Variants in MYO5B observed in about 807,000 individuals in gnomAD.
MYO5B encodes myosin VB.
Under a neutral mutation model 229.3 loss-of-function variants are expected in MYO5B, and 143 were observed. The ratio of observed to expected loss-of-function variants is 0.62; its 90% CI spans 0.54 to 0.72. The LOEUF (loss-of-function observed/expected upper bound fraction) is 0.72. Ranked by LOEUF, MYO5B falls within the 30% of genes least tolerant of loss-of-function variation. MYO5B has a pLI of 0.00. For missense variants in MYO5B, 2,321 were observed against 2,331.0 expected, an observed-to-expected ratio of 1.00 and a Z score of 0.09; for synonymous variants, 918 against 885.2, an observed-to-expected ratio of 1.04 and a Z score of -0.66.
chr18:50,043,856 G>C (rs2030142737), intron 2 of MYO5B, among the ~76,000 whole-genome samples: 1 of 151,536 alleles, frequency 6.6e-6, no homozygotes, highest in Non-Finnish European at 1.5e-5. Flanking sequence ...GGATGCAAAG[G>C]CATAAAAATG....
At chr18:49,878,893 T>C in intron 24 of MYO5B, 52 bp downstream of exon 24, 1 of 1,609,298 alleles carries the variant, frequency 6.2e-7, no homozygotes, top group East Asian at 2.2e-5. Flanking sequence ...GGTCAGAAGC[T>C]GGACAGGAGC....
rs372708509 is a variant in MYO5B at position 49,843,384 on chromosome 18, G to T, written c.4468C>A (p.Pro1490Thr). 1.9e-6 allele frequency: 3 copies of T among 1,614,190 alleles called. No individual in the cohort carries two copies. Among genetic ancestry groups the T allele is most frequent in the Non-Finnish European group, 2.5e-6 (3 of 1,180,034 alleles). The change falls in exon 34 of 40, where the codon CCC becomes ACC. Residue 1490 changes from proline to threonine, a missense_variant. Transcript: ENST00000285039. ...LIRNLVTDLK[P>T]QMLSGTVPCL... ...GGCACTGTGCCCGACAGCATCTGGGGCTTCAAGTCTAAGGGCAACGAGAGC... is the reference window on the plus strand; with the variant it reads ...GGCACTGTGCCCGACAGCATCTGGGTCTTCAAGTCTAAGGGCAACGAGAGC...
At chr18:49,898,707 A>G (rs2024808707) in intron 21 of MYO5B, among the ~76,000 whole-genome samples, 1 of 152,212 alleles carries the variant, frequency 6.6e-6, no homozygotes, top group Admixed American at 6.5e-5. Context: ...TTTTCTATTA[A>G]GAACTCTCAA....
chr18:50,128,676 G>C (rs777561581), intron 1 of MYO5B, among the ~76,000 whole-genome samples: 3 of 152,178 alleles, frequency 2.0e-5, no homozygotes, highest in Admixed American at 6.5e-5. Context: ...AGGCCAAAGA[G>C]CCCAGGGAGA....
chr18:50,136,614 T>C (rs2032340595), intron 1 of MYO5B, among the ~76,000 whole-genome samples: 1 of 152,192 alleles, frequency 6.6e-6, no homozygotes, highest in Admixed American at 6.5e-5. Context: ...TGTACAAACA[T>C]GCACAGTTCT....
chr18:50,036,978 G>C lies in MYO5B; in HGVS notation c.327C>G (p.Ala109=). The change falls in exon 4 of 40, where the codon GCC becomes GCG. Residue 109 remains alanine (A), a synonymous_variant. Transcript: ENST00000285039. ...IYTYCGIVLV[A]INPYEQLPIY... ...TTGGCAACTGTTCATAAGGATTAAT[G>C]GCAACAAGTACGATACCTGCAAACA... is the stretch of plus-strand genomic sequence containing the variant. 6.2e-7 allele frequency: 1 copy of C among 1,614,100 alleles called. No individual in the cohort carries two copies. Among genetic ancestry groups the C allele is most frequent in the Non-Finnish European group, 8.5e-7 (1 of 1,180,006 alleles).
chr18:50,102,708 A>C (rs1470064840), intron 1 of MYO5B, among the ~76,000 whole-genome samples: 1 of 151,204 alleles, frequency 6.6e-6, no homozygotes, highest in Non-Finnish European at 1.5e-5. Context: ...GAAATGCAGA[A>C]TCTCTAACCT....
chr18:49,925,608 A>G (rs1377041647), intron 17 of MYO5B, among the ~76,000 whole-genome samples: 3 of 152,236 alleles, frequency 2.0e-5, no homozygotes, highest in African/African-American at 7.2e-5. Context: ...TCTGAGAAAC[A>G]GTGGATAAGG....
chr18:49,861,022 A>C (rs2024322594), intron 29 of MYO5B, among the ~76,000 whole-genome samples: 1 of 152,182 alleles, frequency 6.6e-6, no homozygotes, highest in South Asian at 2.1e-4. Flanking sequence ...CCCAAAGCTA[A>C]AGGCCAGACT....
At chr18:49,886,713 C>T (rs1022168882) in intron 22 of MYO5B, among the ~76,000 whole-genome samples, 4 of 152,044 alleles carry the variant, frequency 2.6e-5, no homozygotes, top group Non-Finnish European at 5.9e-5. Context: ...TCTTCAGAGG[C>T]TAAAATGTGA....
At chr18:50,116,037 G>A (rs1303805661) in intron 1 of MYO5B, among the ~76,000 whole-genome samples, 2 of 152,042 alleles carry the variant, frequency 1.3e-5, no homozygotes, top group South Asian at 2.1e-4. Flanking sequence ...ATCTCTTCAG[G>A]GTGTAAGACA....
chr18:49,945,725 G>C (rs2025364167), intron 14 of MYO5B, among the ~76,000 whole-genome samples: 1 of 148,966 alleles, frequency 6.7e-6, no homozygotes, highest in Admixed American at 6.8e-5. Flanking sequence ...AGAGTGGCAG[G>C]AGCAGAATGG....
At chr18:49,990,855 G>C (rs1250433265) in intron 6 of MYO5B, among the ~76,000 whole-genome samples, 1 of 152,204 alleles carries the variant, frequency 6.6e-6, no homozygotes, top group Non-Finnish European at 1.5e-5. Context: ...CTGCTTGGCT[G>C]ATGTCCCATG....
chr18:50,022,035 T>C (rs562015978), intron 4 of MYO5B, among the ~76,000 whole-genome samples: 2 of 152,148 alleles, frequency 1.3e-5, no homozygotes, highest in Non-Finnish European at 1.5e-5. Context: ...TTCTTAGACA[T>C]AACAGGTTCC....
At chr18:50,019,998 T>C (rs896516083) in intron 4 of MYO5B, among the ~76,000 whole-genome samples, 1 of 152,118 alleles carries the variant, frequency 6.6e-6, no homozygotes, top group Non-Finnish European at 1.5e-5. Flanking sequence ...TACACACTGA[T>C]GGCTGTGTCT....
chr18:50,125,023 C>G (rs1356342069), intron 1 of MYO5B, among the ~76,000 whole-genome samples: 2 of 152,082 alleles, frequency 1.3e-5, no homozygotes, highest in East Asian at 3.9e-4. Flanking sequence ...CCCACCCTGA[C>G]TCCTAGCCCT....
chr18:50,077,168 T>TAAAAAAAAAAA lies in MYO5B; in HGVS notation c.28-21801_28-21791dup, dbSNP rs71169476. Among the ~76,000 whole-genome samples, 39 of 81,206 alleles carry TAAAAAAAAAAA rather than the reference T, an allele frequency of 4.8e-4. 1 individual carries two copies. Among genetic ancestry groups the TAAAAAAAAAAA allele is most frequent in the African/African-American group, 1.3e-3 (29 of 22,240 alleles). 53.3% of individuals were successfully genotyped at this position (81,206 alleles called of 152,430 possible). On this transcript the variant is annotated intron_variant, in intron 1 of 39. Transcript: ENST00000285039. ...TTAGGGTTAATTTATTGTGGCAAAG[T>TAAAAAAAAAAA]AAAAAAAAAAAAAAAAAAAAAAAAA...
intron 10 of MYO5B, among the ~76,000 whole-genome samples, chr18:49,970,247 A>G (rs1304169533): frequency 1.3e-5 from 2 of 152,200 alleles, no homozygotes; most frequent in African/African-American, 4.8e-5. Context: ...GACTTCACAG[A>G]TCCTTGGTTA....
Position 50,092,361 on chromosome 18 carries a change from C to T in MYO5B, c.28-36983G>A, listed in dbSNP as rs553308865. On this transcript the variant is annotated intron_variant, in intron 1 of 39. Coordinates refer to ENST00000285039, the MANE Select transcript of MYO5B (RefSeq NM_001080467.3). ...ATGGGTCTTGCATTTGAAAAGTGAG[C>T]ACAGGGGATTACAAAAGGTTGAGGG... 8.5e-5 allele frequency among the ~76,000 whole-genome samples: 13 copies of T among 152,088 alleles called. No individual in the cohort carries two copies. The South Asian group carries it at 2.5e-3, about 29-fold the overall frequency.
Sources: gnomAD v4.1 joint callset for allele counts (sites outside exome capture counted in the v4.1 genomes callset) on GRCh38, gnomAD v4.1.1 for gene constraint, MANE v1.5 for transcripts, NCBI Gene and HGNC (gene_info 2026-07-23, HGNC 2026-07-21) for gene names.